The following ADGRF5 variants were observed in gnomAD, a reference collection of about 807,000 sequenced individuals.
ADGRF5 encodes the protein G-protein coupled receptor 116.
A neutral mutation model predicts 132.3 loss-of-function variants in ADGRF5; 75 were observed. That is an observed-to-expected ratio of 0.57 (90% confidence interval 0.47 to 0.69). The LOEUF is 0.69. ADGRF5 is among the 30% of genes least tolerant of loss of function. The pLI is 0.00. For missense variants in ADGRF5, 1,516 were observed against 1,630.6 expected (o/e 0.93, Z 1.21); for synonymous variants, 629 against 597.6 (o/e 1.05, Z -0.77).
At chr6:46,911,445 G>T (rs1352724550) in intron 1 of ADGRF5, among the ~76,000 whole-genome samples, 1 of 152,148 alleles carries the variant, frequency 6.6e-6, no homozygotes, top group Non-Finnish European at 1.5e-5. Flanking sequence ...TCTGTGTTTG[G>T]CGAAACCAAA....
intron 1 of ADGRF5, among the ~76,000 whole-genome samples, chr6:46,934,622 C>T (rs1156683515): frequency 6.6e-6 from 1 of 152,144 alleles, no homozygotes; most frequent in African/African-American, 2.4e-5. Flanking sequence ...AGTTTCTTTA[C>T]AAACACCATG....
At chr6:46,893,086 T>G (rs13200776) in intron 3 of ADGRF5, among the ~76,000 whole-genome samples, 5 of 115,532 alleles carry the variant, frequency 4.3e-5, no homozygotes, top group African/African-American at 1.6e-4. Context: ...TTTTTTTTTG[T>G]AGAATGGTTA....
intron 1 of ADGRF5, among the ~76,000 whole-genome samples, chr6:46,941,103 G>A (rs1778029136): frequency 6.6e-6 from 1 of 152,096 alleles, no homozygotes; most frequent in Admixed American, 6.6e-5. Flanking sequence ...GGAAGATCAA[G>A]GTGGGAGGAG....
chr6:46,888,855 C>A (rs1207929723), intron 3 of ADGRF5, among the ~76,000 whole-genome samples: 1 of 152,084 alleles, frequency 6.6e-6, no homozygotes, highest in Non-Finnish European at 1.5e-5. Flanking sequence ...TCGATAGATG[C>A]ACACTCTAAG....
At chr6:46,915,153 G>T (rs918910492) in intron 1 of ADGRF5, among the ~76,000 whole-genome samples, 4 of 152,036 alleles carry the variant, frequency 2.6e-5, no homozygotes, top group African/African-American at 9.7e-5. Flanking sequence ...ACTGCACCCG[G>T]CCCAGTTTGT....
At chr6:46,888,567 T>C (rs2150854745) in intron 3 of ADGRF5, 62 bp from the exon 4 acceptor site, 2 of 1,157,830 alleles carry the variant, frequency 1.7e-6, no homozygotes, top group South Asian at 2.5e-5. Context: ...AAGATCATGA[T>C]GGATATTTCA....
intron 3 of ADGRF5, among the ~76,000 whole-genome samples, chr6:46,898,875 G>A (rs1774452857): frequency 2.0e-5 from 3 of 152,150 alleles, no homozygotes; most frequent in Admixed American, 2.0e-4. Flanking sequence ...GCCAGCAGAC[G>A]TTTTCCGATA....
intron 1 of ADGRF5, among the ~76,000 whole-genome samples, chr6:46,929,889 T>C (rs1353235067): frequency 6.6e-6 from 1 of 152,140 alleles, no homozygotes; most frequent in Non-Finnish European, 1.5e-5. Flanking sequence ...AGCACGATCT[T>C]GGGTCAGTGC....
At chr6:46,869,242 G>T in intron 11 of ADGRF5, 150 bp from the exon 12 acceptor site, 1 of 1,469,318 alleles carries the variant, frequency 6.8e-7, no homozygotes, top group Non-Finnish European at 8.9e-7. Flanking sequence ...AGGTAGAATT[G>T]GTACCTTGCT....
intron 10 of ADGRF5, among the ~76,000 whole-genome samples, chr6:46,876,473 T>C (rs1017678942): frequency 6.6e-6 from 1 of 152,242 alleles, no homozygotes; most frequent in Non-Finnish European, 1.5e-5. Context: ...CCATGTATCA[T>C]GTGTCAACAT....
chr6:46,868,677 G>A (rs1216603459), intron 12 of ADGRF5, among the ~76,000 whole-genome samples: 1 of 152,162 alleles, frequency 6.6e-6, no homozygotes, highest in Non-Finnish European at 1.5e-5. Context: ...TAGAACTTAA[G>A]TTGTTTGAGC....
intron 3 of ADGRF5, among the ~76,000 whole-genome samples, chr6:46,890,155 C>T (rs570521300): frequency 1.2e-4 from 19 of 152,150 alleles, no homozygotes; most frequent in Non-Finnish European, 1.6e-4. Flanking sequence ...TGTAGTGGCA[C>T]GACCTTGGCT....
chr6:46,860,970 G>A, intron 15 of ADGRF5, 76 bp from the exon 16 acceptor site: 1 of 1,142,956 alleles, frequency 8.7e-7, no homozygotes, highest in Non-Finnish European at 1.2e-6. Context: ...TCCATTCCTG[G>A]CAAAATCTCT....
rs751120085 is a variant in ADGRF5, at chr6:46,854,075, A to G, written c.3962-4T>C. On this transcript the variant is annotated splice_region_variant and splice_polypyrimidine_tract_variant and intron_variant, in intron 20 of 20. Transcript: ENST00000283296. ...GGGGTGGAAACATTATACGTTCCTG[A>G]AAAACAGAGCAGCAACTCAGCCTTG... 2 of 1,590,564 alleles carry G rather than the reference A, an allele frequency of 1.3e-6. No individual in the cohort carries two copies. The highest frequency in any genetic ancestry group is 2.3e-5 in the South Asian group (2 of 87,654).
At chr6:46,910,410 C>T (rs1204625937) in intron 1 of ADGRF5, among the ~76,000 whole-genome samples, 1 of 151,988 alleles carries the variant, frequency 6.6e-6, no homozygotes, top group Non-Finnish European at 1.5e-5. Context: ...GTAATAATTG[C>T]TAGTGAAAAT....
rs1581977630 is a variant in ADGRF5, at chr6:46,911,908, C to T, written c.-24-5122G>A. Reference sequence around the variant, plus strand: ...ATAAATTACTCAATTCATTGTTTAACTATGACTGTGAAAGTGCTACCGAGA... The same window carrying T: ...ATAAATTACTCAATTCATTGTTTAATTATGACTGTGAAAGTGCTACCGAGA... On this transcript the variant is annotated intron_variant, in intron 1 of 20. Coordinates refer to ENST00000283296, the MANE Select transcript of ADGRF5 (RefSeq NM_001098518.2). Among the ~76,000 whole-genome samples, 4 of 152,076 alleles carry T rather than the reference C, an allele frequency of 2.6e-5. No homozygotes were observed. The South Asian group carries it at 8.3e-4, about 32-fold the overall frequency.
Position 46,854,493 on chromosome 6 carries a change from G to A in ADGRF5, c.3962-422C>T, listed in dbSNP as rs1768810159. ...TACTGAAGGTGGAGGTTTGTAAAGAGAGAAAAGGGAAAGGAAAGAGAAAAT... is the reference window on the plus strand; with the variant it reads ...TACTGAAGGTGGAGGTTTGTAAAGAAAGAAAAGGGAAAGGAAAGAGAAAAT... On this transcript the variant is annotated intron_variant, in intron 20 of 20. Transcript: ENST00000283296. 3.3e-5 allele frequency among the ~76,000 whole-genome samples: 5 copies of A among 152,154 alleles called. No homozygotes were observed. In the South Asian group the frequency reaches 1.0e-3, roughly 32 times the overall value.
chr6:46,861,665 T>C (rs1256519825), intron 15 of ADGRF5, among the ~76,000 whole-genome samples: 1 of 152,250 alleles, frequency 6.6e-6, no homozygotes, highest in Admixed American at 6.5e-5. Context: ...GTGCTACATT[T>C]CTTTACATTC....
At chr6:46,887,632 G>T (rs570510648) in intron 4 of ADGRF5, among the ~76,000 whole-genome samples, 2 of 152,170 alleles carry the variant, frequency 1.3e-5, no homozygotes, top group Non-Finnish European at 2.9e-5. Context: ...TCAAAAACAG[G>T]AATTTTTTCT....
Sources: allele counts gnomAD v4.1 joint callset (sites outside exome capture counted in the v4.1 genomes callset), GRCh38; gene constraint gnomAD v4.1.1; transcripts MANE v1.5; gene names NCBI Gene and HGNC (gene_info 2026-07-23, HGNC 2026-07-21).